Variants in RABEP1 observed in about 807,000 individuals in gnomAD.
RABEP1 encodes rab GTPase-binding effector protein 1.
RABEP1 carries 51 observed loss-of-function variants against 123.4 expected under a neutral mutation model. That is an observed-to-expected ratio of 0.41 (90% CI 0.33 to 0.52). The LOEUF (loss-of-function observed/expected upper bound fraction) is 0.52, where lower values mean the gene tolerates loss of function less well. Among genes scored for constraint, RABEP1 ranks in the 20% least tolerant of loss-of-function variants. RABEP1 has a pLI of 0.16. For synonymous variants in RABEP1, 347 were observed against 355.2 expected, an observed-to-expected ratio of 0.98 and a Z score of 0.26; for missense variants, 888 against 996.3, an observed-to-expected ratio of 0.89 and a Z score of 1.46.
Position 5,361,589 on chromosome 17 carries a change from G to A in RABEP1, c.1477G>A (p.Val493Ile), listed in dbSNP as rs558415422. 1.8e-4 allele frequency: 286 copies of A among 1,614,144 alleles called. 1 individual carries two copies. In the South Asian group the frequency reaches 2.2e-3, roughly 12 times the overall value. ...AGAGACAGCGTCCCTCCTCTCCAGC[G>A]TTACCCAGGGCATGGAGAGTGCCTA... ...QEETASLLSSVTQGMESAYVS... is the reference protein window; with the variant it reads ...QEETASLLSSITQGMESAYVS... The change falls in exon 9 of 18, where the codon GTT becomes ATT. Residue 493 changes from valine to isoleucine, a missense_variant. Coordinates refer to ENST00000537505, the MANE Select transcript of RABEP1 (RefSeq NM_004703.6).
intron 1 of RABEP1, among the ~76,000 whole-genome samples, chr17:5,300,380 T>C (rs886129936): frequency 6.6e-5 from 10 of 152,186 alleles, no homozygotes; most frequent in African/African-American, 2.4e-4. Flanking sequence ...ACATAGCGTC[T>C]TGGGAGGAAG....
At chr17:5,369,639 A>G (rs1281692294) in intron 12 of RABEP1, among the ~76,000 whole-genome samples, 1 of 152,020 alleles carries the variant, frequency 6.6e-6, no homozygotes, top group Non-Finnish European at 1.5e-5. Context: ...AAATACTGAC[A>G]GTTTCATAGC....
In RABEP1 at chr17:5,308,839, C is replaced by A; in HGVS notation, c.163+17C>A. Reference sequence around the variant, plus strand: ...CTAAAGAGGGTAAGTTCATAAGTCTCGCACCAACTTCAATGCGAAAACTGC... The same window carrying A: ...CTAAAGAGGGTAAGTTCATAAGTCTAGCACCAACTTCAATGCGAAAACTGC... On this transcript the variant is annotated intron_variant, in intron 2 of 17. Transcript: ENST00000537505. The A allele has an allele frequency of 6.3e-7, 1 of 1,580,266 alleles. No homozygotes were observed. Among genetic ancestry groups the A allele is most frequent in the Non-Finnish European group, 8.6e-7 (1 of 1,162,380 alleles).
intron 2 of RABEP1, among the ~76,000 whole-genome samples, chr17:5,313,097 G>A (rs564904307): frequency 2.6e-5 from 4 of 152,154 alleles, no homozygotes; most frequent in Non-Finnish European, 5.9e-5. Flanking sequence ...TCGACAGAGC[G>A]AGACTCTGTC....
intron 1 of RABEP1, among the ~76,000 whole-genome samples, chr17:5,289,048 A>G (rs889958500): frequency 6.6e-6 from 1 of 152,064 alleles, no homozygotes; most frequent in African/African-American, 2.4e-5. Context: ...TAGGAATTAT[A>G]TTAATTATGG....
intron 1 of RABEP1, among the ~76,000 whole-genome samples, chr17:5,299,747 TG>T (rs1305322384): frequency 0.033 from 4,019 of 123,076 alleles, 594 homozygotes; most frequent in African/African-American, 0.12. Flanking sequence ...TTTTTTTTTT[TG>T]GAGGCAGAGT....
At chr17:5,372,189 A>G (rs1310694764) in intron 12 of RABEP1, among the ~76,000 whole-genome samples, 3 of 152,140 alleles carry the variant, frequency 2.0e-5, no homozygotes, top group Admixed American at 1.3e-4. Context: ...TCACGCCTGT[A>G]ATCCCAGTAC....
intron 7 of RABEP1, among the ~76,000 whole-genome samples, chr17:5,351,286 A>G (rs1250353561): frequency 6.6e-6 from 1 of 151,968 alleles, no homozygotes; most frequent in Admixed American, 6.6e-5. Flanking sequence ...TAATATATAT[A>G]TTTATATACA....
intron 2 of RABEP1, among the ~76,000 whole-genome samples, chr17:5,326,096 C>A (rs772379021): frequency 6.6e-6 from 1 of 152,162 alleles, no homozygotes; most frequent in African/African-American, 2.4e-5. Flanking sequence ...TGCTTTCTTA[C>A]AAAACTAGGC....
intron 2 of RABEP1, among the ~76,000 whole-genome samples, chr17:5,316,207 T>C (rs1020112630): frequency 6.6e-6 from 1 of 152,014 alleles, no homozygotes; most frequent in Non-Finnish European, 1.5e-5. Flanking sequence ...TCCTATCACT[T>C]TGGGAGGCCG....
At chr17:5,291,215 C>T (rs1440856461) in intron 1 of RABEP1, among the ~76,000 whole-genome samples, 2 of 152,000 alleles carry the variant, frequency 1.3e-5, no homozygotes, top group Non-Finnish European at 2.9e-5. Context: ...TTGAGACCAG[C>T]CTGGCCAACA....
At chr17:5,309,789 C>T (rs1279084898) in intron 2 of RABEP1, among the ~76,000 whole-genome samples, 1 of 152,016 alleles carries the variant, frequency 6.6e-6, no homozygotes, top group Non-Finnish European at 1.5e-5. Context: ...ATGTAGTTTC[C>T]ACAGCTCTCT....
At chr17:5,348,449 G>A (rs1247596918) in intron 6 of RABEP1, among the ~76,000 whole-genome samples, 5 of 152,208 alleles carry the variant, frequency 3.3e-5, no homozygotes, top group Admixed American at 3.3e-4. Context: ...AAGAGGCAAT[G>A]GGCAAAATGT....
intron 2 of RABEP1, among the ~76,000 whole-genome samples, chr17:5,316,514 A>ACATAGAG (rs1234730816): frequency 6.6e-6 from 1 of 150,750 alleles, no homozygotes. Flanking sequence ...CAAAAAGAAA[A>ACATAGAG]CATAGAGGAA....
At position 5,290,248 on chromosome 17, in the gene RABEP1, C is replaced by T. The variant is rs1292479120; in HGVS notation, c.34+7728C>T. 3.3e-5 allele frequency among the ~76,000 whole-genome samples: 5 copies of T among 152,158 alleles called. 1 individual carries two copies. Among genetic ancestry groups the T allele is most frequent in the South Asian group, 4.1e-4 (2 of 4,832 alleles). On this transcript the variant is annotated intron_variant, in intron 1 of 17. Transcript: ENST00000537505. ...GACTACAGGCGCCCGCCACCACACCCGGCTAATTTTTTTGTATTTTTAGTA... is the reference window on the plus strand; with the variant it reads ...GACTACAGGCGCCCGCCACCACACCTGGCTAATTTTTTTGTATTTTTAGTA...
chr17:5,316,449 C>CAAAAAAAA (rs386385498), intron 2 of RABEP1, among the ~76,000 whole-genome samples: 3 of 28,584 alleles, frequency 1.0e-4, no homozygotes, highest in South Asian at 2.8e-3. Flanking sequence ...GACTCTGTCT[C>CAAAAAAAA]AAAAAAAAAA....
chr17:5,292,304 A>AT (rs1472823203), intron 1 of RABEP1, among the ~76,000 whole-genome samples: 2 of 151,478 alleles, frequency 1.3e-5, no homozygotes, highest in African/African-American at 4.9e-5. Flanking sequence ...TTTGTTTTTG[A>AT]TTTTTTAAAA....
rs1911685181 is a variant in RABEP1, at chr17:5,383,598, G to A, written c.*375G>A. ...TTGGAATTTTCTGTTCATAGATATT[G>A]GAAGAGAGAATTTGCTTTATCTGTT... On this transcript the variant is annotated 3_prime_UTR_variant, in exon 18 of 18. Coordinates refer to ENST00000537505, the MANE Select transcript of RABEP1 (RefSeq NM_004703.6). The A allele has an allele frequency of 3.7e-6, 1 of 273,922 alleles. No individual in the cohort carries two copies. Among genetic ancestry groups the A allele is most frequent in the Non-Finnish European group, 7.0e-6 (1 of 142,572 alleles). The allele number at this position is 273,922 out of a possible 1,614,324, so 17.0% of individuals were successfully genotyped here.
chr17:5,359,876 A>C (rs541661119), intron 8 of RABEP1, among the ~76,000 whole-genome samples: 1 of 152,146 alleles, frequency 6.6e-6, no homozygotes, highest in Non-Finnish European at 1.5e-5. Flanking sequence ...CATTTTTCTT[A>C]TTTCCCACTA....
Sources: gnomAD v4.1 joint callset for allele counts (sites outside exome capture counted in the v4.1 genomes callset) on GRCh38, gnomAD v4.1.1 for gene constraint, MANE v1.5 for transcripts, NCBI Gene and HGNC (gene_info 2026-07-23, HGNC 2026-07-21) for gene names.